MAP3K5: variants seen among roughly 807,000 people sequenced by gnomAD.
MAP3K5 encodes ASK-1.
In MAP3K5, 56 loss-of-function variants were observed where a neutral mutation model predicts 158.7. The observed-to-expected ratio is 0.35, with a 90% CI of 0.28 to 0.44. MAP3K5 has a LOEUF of 0.44. Ranked by LOEUF, MAP3K5 falls within the 20% of genes least tolerant of loss-of-function variation. MAP3K5 has a pLI of 1.00. For synonymous variants in MAP3K5, 579 were observed against 601.7 expected (o/e 0.96, Z 0.55); for missense variants, 1,294 against 1,674.8 (o/e 0.77, Z 3.97).
chr6:136,686,077 G>C (rs752481948), intron 7 of MAP3K5, among the ~76,000 whole-genome samples: 1 of 152,144 alleles, frequency 6.6e-6, no homozygotes, highest in Non-Finnish European at 1.5e-5. Context: ...GGGGAGTGGG[G>C]GCTCCCTTTT....
intron 1 of MAP3K5, among the ~76,000 whole-genome samples, chr6:136,760,477 A>G (rs1783698993): frequency 6.6e-6 from 1 of 152,258 alleles, no homozygotes; most frequent in Non-Finnish European, 1.5e-5. Context: ...TAATTCACAT[A>G]TATTCAGTGA....
chr6:136,723,585 G>C (rs573573291), intron 1 of MAP3K5, among the ~76,000 whole-genome samples: 1 of 151,894 alleles, frequency 6.6e-6, no homozygotes, highest in Admixed American at 6.6e-5. Flanking sequence ...CACAATTTAG[G>C]AATCTATCAA....
chr6:136,722,880 G>A (rs910744013), intron 1 of MAP3K5, among the ~76,000 whole-genome samples: 1 of 151,496 alleles, frequency 6.6e-6, no homozygotes, highest in African/African-American at 2.4e-5. Context: ...GTAAACACAG[G>A]TATCACTATG....
chr6:136,753,496 T>C (rs1417333203), intron 1 of MAP3K5, among the ~76,000 whole-genome samples: 3 of 149,434 alleles, frequency 2.0e-5, no homozygotes, highest in East Asian at 2.0e-4. Context: ...CCACAGATAG[T>C]ATTTTTTTTT....
At chr6:136,587,072 C>A (rs1775171937) in intron 23 of MAP3K5, among the ~76,000 whole-genome samples, 1 of 152,148 alleles carries the variant, frequency 6.6e-6, no homozygotes, top group South Asian at 2.1e-4. Flanking sequence ...CTGACTAACA[C>A]ACAGGGTCTT....
chr6:136,771,121 C>T (rs1356128456), intron 1 of MAP3K5, among the ~76,000 whole-genome samples: 1 of 152,098 alleles, frequency 6.6e-6, no homozygotes, highest in Non-Finnish European at 1.5e-5. Context: ...AGATGCTTAA[C>T]CTACAGCTCT....
intron 25 of MAP3K5, among the ~76,000 whole-genome samples, chr6:136,575,187 G>A (rs1240901448): frequency 6.1e-5 from 9 of 147,208 alleles, no homozygotes; most frequent in Non-Finnish European, 1.2e-4. Context: ...TTTGAGACAG[G>A]GTCTCACTCT....
At chr6:136,735,321 GA>G (rs1394946604) in intron 1 of MAP3K5, among the ~76,000 whole-genome samples, 1 of 152,146 alleles carries the variant, frequency 6.6e-6, no homozygotes, top group Non-Finnish European at 1.5e-5. Flanking sequence ...GATGAAAGTA[GA>G]AATTAGATAT....
intron 14 of MAP3K5, among the ~76,000 whole-genome samples, chr6:136,634,011 C>A (rs9483937): frequency 0.68 from 102,883 of 152,102 alleles, 35,459 homozygotes; most frequent in African/African-American, 0.8. Flanking sequence ...TCTCTAAAGT[C>A]ATTCTTTTTG....
chr6:136,649,713 C>A (rs895329120), intron 11 of MAP3K5, among the ~76,000 whole-genome samples: 3 of 152,220 alleles, frequency 2.0e-5, no homozygotes, highest in Admixed American at 2.0e-4. Flanking sequence ...AATATGCACA[C>A]TGCAGTGATT....
intron 1 of MAP3K5, among the ~76,000 whole-genome samples, chr6:136,768,916 C>CA (rs755516570): frequency 0.057 from 6,503 of 114,268 alleles, 170 homozygotes; most frequent in African/African-American, 0.11. Flanking sequence ...AACTCCATGT[C>CA]AAAAAAAAAA....
intron 2 of MAP3K5, among the ~76,000 whole-genome samples, chr6:136,719,085 A>C (rs61515107): frequency 2.5e-4 from 38 of 152,266 alleles, no homozygotes; most frequent in African/African-American, 8.2e-4. Flanking sequence ...CTGAGGAGGG[A>C]GGATCACTTG....
At chr6:136,608,095 C>T (rs1776177829) in intron 18 of MAP3K5, among the ~76,000 whole-genome samples, 1 of 152,024 alleles carries the variant, frequency 6.6e-6, no homozygotes, top group African/African-American at 2.4e-5. Context: ...TGTGCAAAGG[C>T]CCTGTGATGG....
At chr6:136,715,668 G>C (rs969531123) in intron 2 of MAP3K5, among the ~76,000 whole-genome samples, 1 of 152,098 alleles carries the variant, frequency 6.6e-6, no homozygotes, top group Non-Finnish European at 1.5e-5. Flanking sequence ...CTGTTGTTTT[G>C]AGATATATTG....
At chr6:136,789,202 C>T (rs1299554694) in intron 1 of MAP3K5, among the ~76,000 whole-genome samples, 2 of 152,020 alleles carry the variant, frequency 1.3e-5, no homozygotes, top group African/African-American at 4.8e-5. Context: ...CCCAGCTACT[C>T]GGGAGGCTGA....
chr6:136,654,483 G>A (rs75422593), intron 10 of MAP3K5, among the ~76,000 whole-genome samples: 4,036 of 151,790 alleles, frequency 0.027, 163 homozygotes, highest in African/African-American at 0.085. Context: ...TTTTGCTCTT[G>A]TTGCCCAGGC....
At chr6:136,662,052 C>A (rs1583369801) in intron 8 of MAP3K5, among the ~76,000 whole-genome samples, 1 of 152,214 alleles carries the variant, frequency 6.6e-6, no homozygotes, top group East Asian at 1.9e-4. Context: ...AGATGGGTGG[C>A]CATTTTTATT....
chr6:136,720,596 A>G lies in MAP3K5; in HGVS notation c.449-7T>C. On this transcript the variant is annotated splice_polypyrimidine_tract_variant and splice_region_variant and intron_variant, in intron 1 of 29. Transcript: ENST00000359015. ...ATCTCCACCACCGCAATATCTGCAA[A>G]CAGAAAACAAAGTCCCCCAAAGAAT... is the stretch of plus-strand genomic sequence containing the variant. The G allele has an allele frequency of 6.2e-7, 1 of 1,602,722 alleles. No individual in the cohort carries two copies. The highest frequency in any genetic ancestry group is 8.5e-7 in the Non-Finnish European group (1 of 1,174,968).
At chr6:136,716,027 CAAAAAAAAAAAAAAAAAAAAAAAA>C (rs60678515) in intron 2 of MAP3K5, among the ~76,000 whole-genome samples, 409 of 23,044 alleles carry the variant, frequency 0.018, 11 homozygotes, top group African/African-American at 0.064. Context: ...AAGATCGTCT[CAAAAAAAAAAAAAAAAAAAAAAAA>C]AAAAAAAAAA....
Sources: gnomAD v4.1 joint callset for allele counts (sites outside exome capture counted in the v4.1 genomes callset) on GRCh38, gnomAD v4.1.1 for gene constraint, MANE v1.5 for transcripts, NCBI Gene and HGNC (gene_info 2026-07-23, HGNC 2026-07-21) for gene names.